CNBD1: variants seen among roughly 807,000 people sequenced by gnomAD.
The protein encoded by CNBD1 is cyclic nucleotide binding domain containing 1, also known as cyclic nucleotide-binding domain-containing protein 1.
A neutral mutation model predicts 54.4 loss-of-function variants in CNBD1; 71 were observed. The ratio of observed to expected loss-of-function variants is 1.30; its 90% CI spans 1.08 to 1.59. The LOEUF (loss-of-function observed/expected upper bound fraction) is 1.59, where lower values mean the gene tolerates loss of function less well. Ranked by LOEUF, CNBD1 falls within the 40% of genes most tolerant of loss-of-function variation. The pLI, the probability that CNBD1 is intolerant of heterozygous loss-of-function variation, is 0.00. For synonymous variants in CNBD1, 182 were observed against 170.7 expected (o/e 1.07, Z -0.51); for missense variants, 659 against 518.0 (o/e 1.27, Z -2.64).
chr8:87,033,726 A>C (rs929229992), intron 4 of CNBD1, among the ~76,000 whole-genome samples: 1 of 152,006 alleles, frequency 6.6e-6, no homozygotes, highest in Admixed American at 6.6e-5. Flanking sequence ...TCAGGTACAT[A>C]TATCATTTCT....
intron 5 of CNBD1, among the ~76,000 whole-genome samples, chr8:87,208,405 CTA>C (rs1814023635): frequency 6.6e-6 from 1 of 151,658 alleles, no homozygotes; most frequent in African/African-American, 2.4e-5. Flanking sequence ...TATTTACTGA[CTA>C]TATTAATATT....
Position 87,119,851 on chromosome 8 carries a change from G to T in CNBD1, c.432-86142G>T, listed in dbSNP as rs747176540. 2.2e-4 allele frequency among the ~76,000 whole-genome samples: 33 copies of T among 151,882 alleles called. 1 individual carries two copies. The highest frequency in any genetic ancestry group is 6.8e-3 in the Middle Eastern group (2 of 294). ...CTATTGAGATCATCATATGGTTTTT[G>T]TCCATTTTGTTGATGTGATATATCA... On this transcript the variant is annotated intron_variant, in intron 4 of 10. Coordinates refer to ENST00000518476, the MANE Select transcript of CNBD1 (RefSeq NM_173538.3).
At chr8:86,985,031 A>T (rs1489952522) in intron 4 of CNBD1, among the ~76,000 whole-genome samples, 1 of 152,034 alleles carries the variant, frequency 6.6e-6, no homozygotes, top group Non-Finnish European at 1.5e-5. Flanking sequence ...TGTGGGAGGG[A>T]TCCAGTGGGA....
chr8:87,368,023 A>T (rs1810678348), intron 10 of CNBD1, among the ~76,000 whole-genome samples: 2 of 151,988 alleles, frequency 1.3e-5, no homozygotes. Flanking sequence ...TTAGCTGGGC[A>T]TGATGATGTG....
chr8:87,353,232 T>A (rs1164674978), intron 9 of CNBD1, among the ~76,000 whole-genome samples: 1 of 152,222 alleles, frequency 6.6e-6, no homozygotes, highest in African/African-American at 2.4e-5. Flanking sequence ...TTTCTGCTTA[T>A]TTTCCTTCTT....
intron 10 of CNBD1, among the ~76,000 whole-genome samples, chr8:87,378,739 T>C (rs1002926640): frequency 6.6e-6 from 1 of 151,216 alleles, no homozygotes; most frequent in African/African-American, 2.5e-5. Flanking sequence ...GTAAATTACC[T>C]TGGGCAGTAT....
chr8:86,917,477 T>A (rs1354476607), intron 3 of CNBD1, among the ~76,000 whole-genome samples: 1 of 152,170 alleles, frequency 6.6e-6, no homozygotes, highest in Non-Finnish European at 1.5e-5. Flanking sequence ...TGCCATTAGA[T>A]CCACTTGGTC....
intron 8 of CNBD1, among the ~76,000 whole-genome samples, chr8:87,333,134 A>G (rs1169752844): frequency 1.3e-5 from 2 of 152,078 alleles, no homozygotes; most frequent in Non-Finnish European, 2.9e-5. Flanking sequence ...CTTCATAGCA[A>G]TTGTGAATGG....
At chr8:87,000,095 T>C (rs1426241909) in intron 4 of CNBD1, among the ~76,000 whole-genome samples, 2 of 152,208 alleles carry the variant, frequency 1.3e-5, no homozygotes. Context: ...ATGGTTCGGC[T>C]CTGTGTCCCC....
intron 8 of CNBD1, among the ~76,000 whole-genome samples, chr8:87,343,227 G>A (rs1482540564): frequency 6.6e-6 from 1 of 152,034 alleles, no homozygotes; most frequent in Non-Finnish European, 1.5e-5. Flanking sequence ...TTCTTTTTTA[G>A]GGTGCACTGA....
chr8:86,976,202 T>TG (rs1808338034), intron 4 of CNBD1, among the ~76,000 whole-genome samples: 1 of 149,568 alleles, frequency 6.7e-6, no homozygotes, highest in Admixed American at 6.7e-5. Flanking sequence ...TTTTTTTTTT[T>TG]TTTTTTGCTG....
At chr8:87,382,507 C>A in intron 10 of CNBD1, 113 bp from the exon 11 acceptor site, 1 of 742,160 alleles carries the variant, frequency 1.3e-6, no homozygotes, top group Non-Finnish European at 2.2e-6. Context: ...TCTTTTAAAG[C>A]ATAACCCCTC....
intron 8 of CNBD1, among the ~76,000 whole-genome samples, chr8:87,290,730 G>T (rs1585987105): frequency 6.6e-6 from 1 of 152,228 alleles, no homozygotes; most frequent in East Asian, 1.9e-4. Flanking sequence ...AGACAGCTTT[G>T]CAGGGTGTAG....
At chr8:87,057,333 G>T (rs548649897) in intron 4 of CNBD1, among the ~76,000 whole-genome samples, 14 of 152,198 alleles carry the variant, frequency 9.2e-5, no homozygotes, top group South Asian at 8.3e-4. Context: ...GGTGGGAAAG[G>T]CCCCTTACTT....
At chr8:87,381,579 T>G (rs1176891926) in intron 10 of CNBD1, among the ~76,000 whole-genome samples, 1 of 152,054 alleles carries the variant, frequency 6.6e-6, no homozygotes, top group African/African-American at 2.4e-5. Context: ...CAGTACCATG[T>G]TAATTGCAGC....
chr8:87,249,152 A>C (rs1807863684), intron 6 of CNBD1, among the ~76,000 whole-genome samples: 1 of 152,138 alleles, frequency 6.6e-6, no homozygotes, highest in Non-Finnish European at 1.5e-5. Context: ...TACTAGCATC[A>C]CTGCCTCAGC....
intron 10 of CNBD1, among the ~76,000 whole-genome samples, chr8:87,365,082 T>C (rs1810615905): frequency 6.6e-6 from 1 of 152,078 alleles, no homozygotes; most frequent in Non-Finnish European, 1.5e-5. Flanking sequence ...CTTTCTATAA[T>C]GGTTGAACCT....
intron 4 of CNBD1, among the ~76,000 whole-genome samples, chr8:86,984,472 C>T (rs1263656302): frequency 1.3e-5 from 2 of 152,156 alleles, no homozygotes; most frequent in African/African-American, 4.8e-5. Flanking sequence ...CCACCAACAT[C>T]TTGCACTGTG....
chr8:87,169,779 G>T (rs1012601751), intron 4 of CNBD1, among the ~76,000 whole-genome samples: 1 of 151,930 alleles, frequency 6.6e-6, no homozygotes, highest in Non-Finnish European at 1.5e-5. Context: ...TTGATTTTAT[G>T]CCAGTACCAT....
Sources: gnomAD v4.1 joint callset for allele counts (sites outside exome capture counted in the v4.1 genomes callset) on GRCh38, gnomAD v4.1.1 for gene constraint, MANE v1.5 for transcripts, NCBI Gene and HGNC (gene_info 2026-07-23, HGNC 2026-07-21) for gene names.